The following ECE1 variants were observed in gnomAD, a reference collection of about 807,000 sequenced individuals.
ECE1 encodes endothelin converting enzyme 1, also known as endothelin-converting enzyme 1.
Under a neutral mutation model 98.6 loss-of-function variants are expected in ECE1, and 35 were observed. That is an observed-to-expected ratio of 0.35 (90% CI 0.27 to 0.47). ECE1 has a LOEUF of 0.47. Ranked by LOEUF, ECE1 falls within the 20% of genes least tolerant of loss-of-function variation. The pLI, the probability that ECE1 is intolerant of heterozygous loss-of-function variation, is 1.00. For missense variants in ECE1, 814 were observed against 1,025.3 expected (o/e 0.79, Z 2.81); for synonymous variants, 394 against 407.1 (o/e 0.97, Z 0.39).
chr1:21,341,834 C>T (rs1359097087), intron 1 of ECE1, among the ~76,000 whole-genome samples: 1 of 151,704 alleles, frequency 6.6e-6, no homozygotes, highest in Non-Finnish European at 1.5e-5. Context: ...GATAGGGTCT[C>T]ACTATGTTGC....
At chr1:21,299,009 G>C in intron 1 of ECE1, 1 of 393,310 alleles carries the variant, frequency 2.5e-6, no homozygotes, top group Non-Finnish European at 5.2e-6. Context: ...TGGACTGTGT[G>C]ATGACCAGGC....
upstream of ECE1, chr1:21,290,639 G>T (rs1036886610): frequency 1.0e-6 from 1 of 994,742 alleles, no homozygotes; most frequent in Non-Finnish European, 1.3e-6. The surrounding 1 kb of genome is among the most constrained non-coding windows in gnomAD (Gnocchi z 7.3). Flanking sequence ...GAAGCCCCTA[G>T]CAGGCAGGAA....
intron 14 of ECE1, among the ~76,000 whole-genome samples, chr1:21,230,641 C>CT (rs1346478085): frequency 1.3e-5 from 2 of 152,136 alleles, no homozygotes; most frequent in Non-Finnish European, 2.9e-5. Flanking sequence ...CCGCCTCAGC[C>CT]TCCCAAAGTG....
chr1:21,313,474 G>A (rs530087979), intron 1 of ECE1, among the ~76,000 whole-genome samples: 1 of 152,322 alleles, frequency 6.6e-6, no homozygotes, highest in Admixed American at 6.5e-5. Context: ...AGCTGCCCTA[G>A]CTGCAGTCTT....
chr1:21,300,100 G>A (rs981571434), intron 1 of ECE1, among the ~76,000 whole-genome samples: 1 of 152,248 alleles, frequency 6.6e-6, no homozygotes, highest in African/African-American at 2.4e-5. Context: ...GATCAGGGTC[G>A]GGTGGAAGCA....
At chr1:21,324,605 G>A (rs1317572845) in intron 1 of ECE1, among the ~76,000 whole-genome samples, 3 of 152,134 alleles carry the variant, frequency 2.0e-5, no homozygotes, top group Non-Finnish European at 4.4e-5. Context: ...CCCACATGAA[G>A]AGAAACATTT....
intron 1 of ECE1, among the ~76,000 whole-genome samples, chr1:21,303,694 G>C (rs560227507): frequency 1.3e-5 from 2 of 152,234 alleles, no homozygotes; most frequent in South Asian, 4.1e-4. Context: ...TGTCCCTCAG[G>C]CTGGAGTACA....
In ECE1 at chr1:21,286,006, AAAGAG is replaced by A. The variant is rs1194111842; in HGVS notation, c.138+4059_138+4063del. Among the ~76,000 whole-genome samples the A allele has an allele frequency of 2.2e-4, 34 of 152,076 alleles. 1 individual carries two copies. The highest frequency in any genetic ancestry group is 6.7e-4 in the African/African-American group (28 of 41,534). On this transcript the variant is annotated intron_variant, in intron 2 of 18. Coordinates refer to ENST00000374893, the MANE Select transcript of ECE1 (RefSeq NM_001397.3). Reference sequence around the variant, plus strand: ...ACTCTGTCTCAAAAAAAAAAAAAAAAAAGAGAAGAGAAGAGAGCCCTGTGCAAGGT... The same window carrying A: ...ACTCTGTCTCAAAAAAAAAAAAAAAAAAGAGAAGAGAGCCCTGTGCAAGGT...
chr1:21,345,371 C>A lies in ECE1; in HGVS notation c.3+5G>T. On this transcript the variant is annotated splice_donor_5th_base_variant and intron_variant, in intron 1 of 18. Coordinates refer to the ECE1 transcript ENST00000415912. This position sits in a 1 kb window ranked among gnomAD's most constrained non-coding sequence, Gnocchi z 5.1. Reference sequence around the variant, plus strand: ...CCGGACCAGACCTCCGCGCGCAGCACTCACCATAGCTCGCGTGCTCCGCCC... The same window carrying A: ...CCGGACCAGACCTCCGCGCGCAGCAATCACCATAGCTCGCGTGCTCCGCCC... 1.5e-6 allele frequency: 2 copies of A among 1,346,376 alleles called. No individual in the cohort carries two copies. The highest frequency in any genetic ancestry group is 3.5e-5 in the South Asian group (2 of 57,756). The allele number at this position is 1,346,376 out of a possible 1,614,324, so 83.4% of individuals were successfully genotyped here. A position where few individuals can be genotyped will look rare whatever the true frequency, so the allele number is the denominator to read the frequency against.
chr1:21,310,642 C>A (rs926717278), intron 1 of ECE1, among the ~76,000 whole-genome samples: 3 of 152,182 alleles, frequency 2.0e-5, no homozygotes, highest in African/African-American at 7.2e-5. Context: ...TCTGCACACA[C>A]CCCCAGCAGA....
intron 3 of ECE1, among the ~76,000 whole-genome samples, chr1:21,278,824 G>A (rs546354731): frequency 4.1e-4 from 63 of 152,290 alleles, no homozygotes; most frequent in African/African-American, 1.5e-3. Flanking sequence ...AGTTGAAGAA[G>A]TCCTACGAGG....
At position 21,332,819 on chromosome 1, in the gene ECE1, AG is replaced by A. The variant is rs199790750; in HGVS notation, c.3+12556del. On this transcript the variant is annotated intron_variant, in intron 1 of 18. Transcript: ENST00000415912. ...TCAGTCAGGCGAGGAGTTAGAGGGA[AG>A]GGGGCTGCGGGAACACAGGATGGGG... is the stretch of plus-strand genomic sequence containing the variant. Among the ~76,000 whole-genome samples the A allele has an allele frequency of 8.0e-4, 22 of 27,526 alleles. 1 individual carries two copies. In the East Asian group the frequency reaches 0.018, roughly 22 times the overall value. 18.1% of individuals were successfully genotyped at this position (27,526 alleles called of 152,430 possible).
chr1:21,313,346 T>C (rs903785476), intron 1 of ECE1, among the ~76,000 whole-genome samples: 10 of 152,166 alleles, frequency 6.6e-5, no homozygotes, highest in African/African-American at 2.4e-4. Context: ...AAGACACATG[T>C]GTCATGCTTG....
chr1:21,329,760 T>C (rs548933974), intron 1 of ECE1, among the ~76,000 whole-genome samples: 63 of 152,254 alleles, frequency 4.1e-4, no homozygotes, highest in African/African-American at 1.4e-3. Context: ...CCTAGTCACT[T>C]AGAGAGACAC....
chr1:21,239,569 T>A (rs547825572), intron 10 of ECE1, among the ~76,000 whole-genome samples: 4 of 152,264 alleles, frequency 2.6e-5, no homozygotes, highest in South Asian at 4.2e-4. Flanking sequence ...GCTACTGATA[T>A]ATACGACAGC....
chr1:21,258,654 G>A lies in ECE1; in HGVS notation c.762+39C>T, dbSNP rs766615046. On this transcript the variant is annotated intron_variant, in intron 6 of 18. Coordinates refer to ENST00000374893, the MANE Select transcript of ECE1 (RefSeq NM_001397.3). The surrounding 1 kb of genome is among the most constrained non-coding windows in gnomAD (Gnocchi z 4.2). ...TAAACTCAAAACAGGAAGAGGTCGT[G>A]CCCGCCCCCTCGACCGCTGCAGGTT... 13 of 1,602,486 alleles carry A rather than the reference G, an allele frequency of 8.1e-6. No homozygotes were observed. Among genetic ancestry groups the A allele is most frequent in the Middle Eastern group, 1.7e-4 (1 of 6,014 alleles).
rs1451917474 is a variant in ECE1, at chr1:21,279,175, AC to A, written c.280+15del. ...AGGAGTGAGTCAAGCCCACCATGCA[AC>A]ACGAAGGCACCTACTTGTCTGGTAC... On this transcript the variant is annotated intron_variant, in intron 3 of 18. Coordinates refer to ENST00000374893, the MANE Select transcript of ECE1 (RefSeq NM_001397.3). 6.2e-7 allele frequency: 1 copy of A among 1,614,050 alleles called. No homozygotes were observed. Among genetic ancestry groups the A allele is most frequent in the Non-Finnish European group, 8.5e-7 (1 of 1,180,014 alleles).
intron 1 of ECE1, among the ~76,000 whole-genome samples, chr1:21,313,248 C>T (rs1041816969): frequency 1.3e-5 from 2 of 152,228 alleles, no homozygotes; most frequent in South Asian, 4.1e-4. Flanking sequence ...GCTGAGCTGG[C>T]GTTGCCTCGG....
intron 1 of ECE1, among the ~76,000 whole-genome samples, chr1:21,297,208 G>C (rs940012430): frequency 6.6e-6 from 1 of 152,180 alleles, no homozygotes. Flanking sequence ...ACTGCCAGAG[G>C]CCCTGGGGGG....
Sources: allele counts gnomAD v4.1 joint callset (sites outside exome capture counted in the v4.1 genomes callset), GRCh38; gene constraint gnomAD v4.1.1; non-coding constraint Gnocchi (gnomAD v3.1); transcripts MANE v1.5; gene names NCBI Gene and HGNC (gene_info 2026-07-23, HGNC 2026-07-21).